Variants in HOOK2 observed in about 807,000 individuals in gnomAD.
HOOK2 encodes the protein protein Hook homolog 2.
Under a neutral mutation model 111.9 loss-of-function variants are expected in HOOK2, and 108 were observed. The ratio of observed to expected loss-of-function variants is 0.96; its 90% CI spans 0.83 to 1.13. The LOEUF is 1.13. HOOK2 is among the 50% of genes most tolerant of loss of function. The probability of loss-of-function intolerance (pLI) is 0.00; values close to 1 mark genes in which losing one functional copy is unlikely to be tolerated. For missense variants in HOOK2, 978 were observed against 951.3 expected (o/e 1.03, Z -0.37); for synonymous variants, 405 against 394.3 (o/e 1.03, Z -0.32).
intron 10 of HOOK2, 123 bp downstream of exon 10, chr19:12,770,809 G>T: frequency 8.3e-7 from 1 of 1,206,276 alleles, no homozygotes; most frequent in Non-Finnish European, 1.2e-6. Context: ...GGAGTCCAGG[G>T]GGCATATTGG....
chr19:12,775,742 G>A, upstream of HOOK2: 1 of 329,928 alleles, frequency 3.0e-6, no homozygotes, highest in Non-Finnish European at 5.4e-6. Context: ...TGCATCCGAG[G>A]GTGGTCCCAC....
rs1321457965 is a variant in HOOK2 at position 12,790,308 on chromosome 19, C to T, written n.42-16083G>A. ...TCCGAGTGACGGAGACAGGGCCGGGCTCCTTCCCCCGGGGCTGTTGCCACA... is the reference window on the plus strand; with the variant it reads ...TCCGAGTGACGGAGACAGGGCCGGGTTCCTTCCCCCGGGGCTGTTGCCACA... On this transcript the variant is annotated intron_variant and non_coding_transcript_variant, in intron 3 of 3. Transcript: ENST00000589765. This position sits in a 1 kb window ranked among gnomAD's most constrained non-coding sequence, Gnocchi z 7.2. Among the ~76,000 whole-genome samples, 1 of 152,166 alleles carries T rather than the reference C, an allele frequency of 6.6e-6. No homozygotes were observed. Among genetic ancestry groups the T allele is most frequent in the East Asian group, 1.9e-4 (1 of 5,188 alleles).
In HOOK2 at chr19:12,766,139, G is replaced by T; in HGVS notation, c.1475C>A (p.Ala492Asp). ...QEELQRHLED[A>D]NRARHGLETQ... ...CTCCAACCCGTGGCGCGCGCGGTTG[G>T]CATCCTCCAGGTGGCGCTGCAGCTC... The change falls in exon 15 of 23, where the codon GCC becomes GAC. Residue 492 changes from alanine (A) to aspartate (D), a missense_variant. Ala to Asp is a moderately radical substitution (Grantham distance 126, BLOSUM62 -2). Coordinates refer to ENST00000397668, the MANE Select transcript of HOOK2 (RefSeq NM_013312.3). The T allele has an allele frequency of 6.2e-7, 1 of 1,601,374 alleles. No individual in the cohort carries two copies. The highest frequency in any genetic ancestry group is 2.2e-5 in the East Asian group (1 of 44,842).
upstream of HOOK2, among the ~76,000 whole-genome samples, chr19:12,781,841 GTTT>G (rs776187814): frequency 6.9e-6 from 1 of 144,764 alleles, no homozygotes; most frequent in Non-Finnish European, 1.5e-5. Flanking sequence ...CCCTGTTCCT[GTTT>G]TTTTTTTTTC....
At chr19:12,764,944 C>T (rs1282704911) in intron 19 of HOOK2, 27 bp from the exon 20 acceptor site, 9 of 1,612,332 alleles carry the variant, frequency 5.6e-6, no homozygotes, top group Non-Finnish European at 7.6e-6. Flanking sequence ...CCCATCAGCT[C>T]CACGCTGCTG....
chr19:12,770,639 G>A (rs1310098629), intron 10 of HOOK2, among the ~76,000 whole-genome samples: 1 of 150,140 alleles, frequency 6.7e-6, no homozygotes, highest in Non-Finnish European at 1.5e-5. Flanking sequence ...GAGCATTGTA[G>A]GGGAGGTTCT....
At chr19:12,775,295 G>T in intron 1 of HOOK2, 110 bp downstream of exon 1, 2 of 1,496,610 alleles carry the variant, frequency 1.3e-6, no homozygotes, top group Non-Finnish European at 8.9e-7. Context: ...GCAAGTCGAC[G>T]ACCCCGCACC....
chr19:12,779,753 T>C (rs950263511), upstream of HOOK2, among the ~76,000 whole-genome samples: 3 of 150,176 alleles, frequency 2.0e-5, no homozygotes, highest in Admixed American at 2.0e-4. Flanking sequence ...CCTTCGAGTT[T>C]GTGCAACAGG....
intron 14 of HOOK2, 74 bp from the exon 15 acceptor site, chr19:12,766,314 G>A: frequency 6.9e-7 from 1 of 1,451,220 alleles, no homozygotes; most frequent in Non-Finnish European, 9.1e-7. Context: ...AGGGAGAGTG[G>A]AGCTAGGGGC....
upstream of HOOK2, among the ~76,000 whole-genome samples, chr19:12,781,436 C>T (rs555945295): frequency 6.6e-6 from 1 of 151,248 alleles, no homozygotes; most frequent in South Asian, 2.1e-4. Context: ...ACGCCATTCT[C>T]CTGCCTCAGC....
At chr19:12,768,586 G>A (rs1450631460) in intron 11 of HOOK2, among the ~76,000 whole-genome samples, 1 of 152,110 alleles carries the variant, frequency 6.6e-6, no homozygotes, top group Non-Finnish European at 1.5e-5. Flanking sequence ...AGGCTGTGAT[G>A]CTCAGTAGGT....
At chr19:12,782,640 A>C (rs1477452886), upstream of HOOK2, among the ~76,000 whole-genome samples, 1 of 152,056 alleles carries the variant, frequency 6.6e-6, no homozygotes, top group Non-Finnish European at 1.5e-5. Context: ...GGAGCTCTGC[A>C]CTGGCTGCGT....
Position 12,771,283 on chromosome 19 carries a change from G to C in HOOK2, c.637C>G (p.Gln213Glu). ...LLSEEKQSLA[Q>E]ENAGLRERMG... is the part of the protein sequence containing the mutation. Reference sequence around the variant, plus strand: ...CGCTCCCGCAGCCCTGCATTCTCTTGCGCCAGGCTCTGCTTCTCCTCTGAC... The same window carrying C: ...CGCTCCCGCAGCCCTGCATTCTCTTCCGCCAGGCTCTGCTTCTCCTCTGAC... Residue 213 changes from glutamine (Q) to glutamate (E), a missense_variant, in exon 9 of 23, where the codon CAA becomes GAA. By Grantham distance (29) the Gln-to-Glu change is conservative. Coordinates refer to ENST00000397668, the MANE Select transcript of HOOK2 (RefSeq NM_013312.3). 2 of 1,604,022 alleles carry C rather than the reference G, an allele frequency of 1.2e-6. No individual in the cohort carries two copies. Among genetic ancestry groups the C allele is most frequent in the Non-Finnish European group, 1.7e-6 (2 of 1,174,966 alleles).
intron 14 of HOOK2, chr19:12,766,581 G>A: frequency 3.2e-6 from 1 of 314,428 alleles, no homozygotes. Context: ...TGTTTGGTTA[G>A]TTTTGGCTTT....
chr19:12,792,026 G>A (rs1336894585), intron 3 of HOOK2: 1 of 1,611,432 alleles, frequency 6.2e-7, no homozygotes, highest in Non-Finnish European at 8.5e-7. Context: ...TCGCCTCTTC[G>A]GAGCTGGAAC....
In HOOK2 at chr19:12,763,187, T is replaced by C; in HGVS notation, c.*95A>G. 1 of 1,166,028 alleles carries C rather than the reference T, an allele frequency of 8.6e-7. No individual in the cohort carries two copies. The highest frequency in any genetic ancestry group is 4.2e-5 in the East Asian group (1 of 23,700). The allele number at this position is 1,166,028 out of a possible 1,614,324, so 72.2% of individuals were successfully genotyped here. A position where few individuals can be genotyped will look rare whatever the true frequency, so the allele number is the denominator to read the frequency against. On this transcript the variant is annotated 3_prime_UTR_variant, in exon 23 of 23. Transcript: ENST00000397668. ...AGAGCAGAGATCATGGCCTCAAAGC[T>C]CTCGAGCACCTGGCTGAAGCCCAGT...
At chr19:12,789,596 G>A (rs1194900244) in intron 3 of HOOK2, among the ~76,000 whole-genome samples, 1 of 151,980 alleles carries the variant, frequency 6.6e-6, no homozygotes, top group South Asian at 2.1e-4. Flanking sequence ...CCACCCGAGG[G>A]AGGAGGCAGC....
rs1282448859 is a variant in HOOK2, at chr19:12,769,750, G to A, written c.1104+131C>T. The A allele has an allele frequency of 1.9e-5, 13 of 689,696 alleles. 1 individual carries two copies. In the South Asian group the frequency reaches 3.1e-4, roughly 16 times the overall value. 42.7% of individuals were successfully genotyped at this position (689,696 alleles called of 1,614,324 possible). A position where few individuals can be genotyped will look rare whatever the true frequency, so the allele number is the denominator to read the frequency against. On this transcript the variant is annotated intron_variant, in intron 11 of 22. Transcript: ENST00000397668. ...CAGACAGAAGAGCAGCGTGGGTGGA[G>A]GGAAGAGGCCCGGAGAGCGTGGCCT...
At chr19:12,766,047 C>A (rs763618385) in intron 15 of HOOK2, 33 bp from the exon 16 acceptor site, 8 of 1,609,692 alleles carry the variant, frequency 5.0e-6, no homozygotes, top group South Asian at 1.1e-5. Context: ...AGTGCCTGTG[C>A]CCACTTTTGG....
Sources: gnomAD v4.1 joint callset for allele counts (sites outside exome capture counted in the v4.1 genomes callset) on GRCh38, gnomAD v4.1.1 for gene constraint, Gnocchi (gnomAD v3.1) non-coding constraint, MANE v1.5 for transcripts, NCBI Gene and HGNC (gene_info 2026-07-23, HGNC 2026-07-21) for gene names.